The following ADK variants were observed in gnomAD, a reference collection of about 807,000 sequenced individuals.
ADK encodes the protein N6,N6-dimethyladenosine kinase.
A neutral mutation model predicts 44.7 loss-of-function variants in ADK; 24 were observed. The ratio of observed to expected loss-of-function variants is 0.54; its 90% CI spans 0.39 to 0.76. The LOEUF is 0.76. ADK is among the 30% of genes least tolerant of loss of function. The pLI, the probability that ADK is intolerant of heterozygous loss-of-function variation, is 0.00. For synonymous variants in ADK, 128 were observed against 142.6 expected (o/e 0.90, Z 0.73); for missense variants, 321 against 425.1 (o/e 0.76, Z 2.15).
In ADK at chr10:74,194,970, AAT is replaced by A. The variant is rs369025513; in HGVS notation, c.66-5789_66-5788del. 1.7e-3 allele frequency among the ~76,000 whole-genome samples: 258 copies of A among 152,340 alleles called. 1 individual carries two copies. Among genetic ancestry groups the A allele is most frequent in the African/African-American group, 5.9e-3 (245 of 41,578 alleles). On this transcript the variant is annotated intron_variant, in intron 1 of 10. Coordinates refer to ENST00000539909, the MANE Select transcript of ADK (RefSeq NM_006721.4). ...ATTTTCTCAGGAACTCTTACTGTAAAATATATGTCAGTATAAAATTTGTTGAC... is the reference window on the plus strand; with the variant it reads ...ATTTTCTCAGGAACTCTTACTGTAAAATATGTCAGTATAAAATTTGTTGAC...
intron 6 of ADK, chr10:74,506,329 G>A (rs188824744): frequency 1.5e-4 from 40 of 266,322 alleles, no homozygotes; most frequent in South Asian, 7.2e-4. Context: ...CTCAATCTAC[G>A]GTACATATCA....
At chr10:74,532,725 A>G (rs1019321808) in intron 7 of ADK, among the ~76,000 whole-genome samples, 1 of 151,664 alleles carries the variant, frequency 6.6e-6, no homozygotes, top group East Asian at 2.0e-4. Context: ...ACATGGCAAA[A>G]CCGCGTCTCT....
chr10:74,455,214 A>G (rs146388947), intron 6 of ADK, among the ~76,000 whole-genome samples: 1 of 152,094 alleles, frequency 6.6e-6, no homozygotes, highest in African/African-American at 2.4e-5. Context: ...TGCTATAAAG[A>G]TATTTTCGAC....
intron 6 of ADK, among the ~76,000 whole-genome samples, chr10:74,459,359 G>A (rs1834848340): frequency 6.6e-6 from 1 of 151,938 alleles, no homozygotes; most frequent in African/African-American, 2.4e-5. Flanking sequence ...TTTAATGTGG[G>A]TTTTTCCTAG....
At chr10:74,588,145 T>C (rs985704009) in intron 7 of ADK, among the ~76,000 whole-genome samples, 1 of 152,146 alleles carries the variant, frequency 6.6e-6, no homozygotes, top group Non-Finnish European at 1.5e-5. Context: ...TTGCCACTTT[T>C]GCTTCATTTT....
chr10:74,303,464 T>A (rs1222904654), intron 3 of ADK, among the ~76,000 whole-genome samples: 2 of 152,100 alleles, frequency 1.3e-5, no homozygotes, highest in Non-Finnish European at 2.9e-5. Flanking sequence ...AAAATGAGTA[T>A]ATTAAGATAT....
chr10:74,603,178 A>G (rs572533567), intron 9 of ADK, among the ~76,000 whole-genome samples: 10 of 152,242 alleles, frequency 6.6e-5, no homozygotes, highest in East Asian at 1.9e-4. Context: ...TTAATTTACC[A>G]TAAGTGACAT....
intron 6 of ADK, among the ~76,000 whole-genome samples, chr10:74,498,399 TACAGAAAGTAAA>T (rs1847769521): frequency 6.6e-6 from 1 of 152,220 alleles, no homozygotes; most frequent in South Asian, 2.1e-4. Context: ...AGAAGAATTT[TACAGAAAGTAAA>T]ACCATAAGCT....
At chr10:74,476,978 G>T (rs954198494) in intron 6 of ADK, among the ~76,000 whole-genome samples, 3 of 152,028 alleles carry the variant, frequency 2.0e-5, no homozygotes, top group Non-Finnish European at 4.4e-5. Flanking sequence ...TTTGTGTTTA[G>T]TATGTAAAAT....
At chr10:74,176,815 C>G in intron 1 of ADK, 3 of 1,602,328 alleles carry the variant, frequency 1.9e-6, no homozygotes, top group South Asian at 2.2e-5. Context: ...TGCTGCTGCC[C>G]GAGCGGACGT....
intron 4 of ADK, chr10:74,372,557 C>A: frequency 9.8e-6 from 3 of 304,618 alleles, no homozygotes; most frequent in East Asian, 7.3e-5. Flanking sequence ...GATTTTTGAG[C>A]AATATTAATG....
At chr10:74,470,400 C>T (rs7100452) in intron 6 of ADK, among the ~76,000 whole-genome samples, 1 of 151,600 alleles carries the variant, frequency 6.6e-6, no homozygotes, top group African/African-American at 2.4e-5. Flanking sequence ...AATAATTCTG[C>T]GATGAATATG....
intron 10 of ADK, among the ~76,000 whole-genome samples, chr10:74,694,572 C>T (rs1164309786): frequency 2.6e-5 from 4 of 152,088 alleles, no homozygotes; most frequent in African/African-American, 7.2e-5. Flanking sequence ...CCTCAAACTC[C>T]TGGGCTCAAG....
intron 6 of ADK, among the ~76,000 whole-genome samples, chr10:74,504,216 T>G (rs1012260968): frequency 6.6e-6 from 1 of 152,086 alleles, no homozygotes; most frequent in African/African-American, 2.4e-5. Flanking sequence ...TTTTAAAAAA[T>G]AATTACTGTT....
chr10:74,244,506 TTAGTC>T (rs1033661677), intron 3 of ADK, among the ~76,000 whole-genome samples: 30 of 152,206 alleles, frequency 2.0e-4, no homozygotes, highest in Admixed American at 1.9e-3. Flanking sequence ...AACCTTTTAT[TTAGTC>T]TAAATGTTAA....
chr10:74,221,986 A>G (rs1323741459), intron 2 of ADK, among the ~76,000 whole-genome samples: 1 of 152,260 alleles, frequency 6.6e-6, no homozygotes, highest in Non-Finnish European at 1.5e-5. Context: ...CTAAAACACC[A>G]AAAGCAATGG....
chr10:74,469,791 G>A (rs1564739574), intron 6 of ADK, among the ~76,000 whole-genome samples: 1 of 152,216 alleles, frequency 6.6e-6, no homozygotes, highest in East Asian at 1.9e-4. Context: ...ATTCCCCTTT[G>A]CCCCCTTCAT....
At chr10:74,171,307 C>A (rs573325790) in intron 1 of ADK, among the ~76,000 whole-genome samples, 16 of 152,224 alleles carry the variant, frequency 1.1e-4, no homozygotes, top group African/African-American at 3.1e-4. Context: ...TGCCAAAATT[C>A]TTTATAGTAG....
At chr10:74,467,091 G>T (rs1029907735) in intron 6 of ADK, among the ~76,000 whole-genome samples, 1 of 151,958 alleles carries the variant, frequency 6.6e-6, no homozygotes, top group Admixed American at 6.6e-5. Context: ...TTAAAGTATA[G>T]GTTATTGATC....
Sources: gnomAD v4.1 joint callset for allele counts (sites outside exome capture counted in the v4.1 genomes callset) on GRCh38, gnomAD v4.1.1 for gene constraint, MANE v1.5 for transcripts, NCBI Gene and HGNC (gene_info 2026-07-23, HGNC 2026-07-21) for gene names.